The following WWOX variants were observed in gnomAD, a reference collection of about 807,000 sequenced individuals.
The protein encoded by WWOX is WW domain-containing oxidoreductase.
WWOX carries 69 observed loss-of-function variants against 46.2 expected under a neutral mutation model. That is an observed-to-expected ratio of 1.49 (90% CI 1.23 to 1.82). The LOEUF (loss-of-function observed/expected upper bound fraction) is 1.82, where lower values mean the gene tolerates loss of function less well. Among genes scored for constraint, WWOX ranks in the 40% most tolerant of loss-of-function variants. The pLI is 0.00. For synonymous variants in WWOX, 359 were observed against 202.6 expected, an observed-to-expected ratio of 1.77 and a Z score of -6.56; for missense variants, 919 against 542.6, an observed-to-expected ratio of 1.69 and a Z score of -6.89.
chr16:78,943,355 A>G (rs539002691), intron 8 of WWOX, among the ~76,000 whole-genome samples: 3 of 151,960 alleles, frequency 2.0e-5, no homozygotes, highest in African/African-American at 7.3e-5. Context: ...TCAAGATTAC[A>G]CTCTTATTCA....
intron 8 of WWOX, among the ~76,000 whole-genome samples, chr16:79,189,096 C>T (rs9931030): frequency 0.025 from 3,763 of 152,072 alleles, 170 homozygotes; most frequent in African/African-American, 0.086. Flanking sequence ...AAGACAAAAA[C>T]TTGTCTGCTA....
At chr16:79,059,137 G>A (rs540625118) in intron 8 of WWOX, among the ~76,000 whole-genome samples, 1 of 152,288 alleles carries the variant, frequency 6.6e-6, no homozygotes, top group East Asian at 1.9e-4. Context: ...TTCACAGGGA[G>A]TCATAAACAG....
intron 8 of WWOX, among the ~76,000 whole-genome samples, chr16:78,939,793 C>T (rs1269789033): frequency 2.0e-5 from 3 of 152,206 alleles, no homozygotes; most frequent in Non-Finnish European, 2.9e-5. Flanking sequence ...TCCACTTCCC[C>T]TTTTAGCCTG....
chr16:78,463,998 G>A (rs748363546), intron 8 of WWOX, among the ~76,000 whole-genome samples: 15 of 152,142 alleles, frequency 9.9e-5, no homozygotes, highest in Admixed American at 2.6e-4. Context: ...TTGTTGATCT[G>A]GCGGTCAGAA....
intron 8 of WWOX, among the ~76,000 whole-genome samples, chr16:78,719,872 C>A (rs1270171027): frequency 6.6e-6 from 1 of 152,086 alleles, no homozygotes; most frequent in African/African-American, 2.4e-5. Context: ...CATTTATTGG[C>A]AGTATTTTTC....
intron 8 of WWOX, among the ~76,000 whole-genome samples, chr16:78,975,935 C>G (rs984436146): frequency 3.3e-5 from 5 of 152,210 alleles, no homozygotes; most frequent in African/African-American, 1.2e-4. Flanking sequence ...TGCCCTGCCA[C>G]CCTCCATCCC....
intron 8 of WWOX, among the ~76,000 whole-genome samples, chr16:78,713,505 CAG>C (rs2048491755): frequency 6.6e-6 from 1 of 152,050 alleles, no homozygotes; most frequent in Admixed American, 6.5e-5. Context: ...TTTGGAGATA[CAG>C]CCTTTTAAAG....
chr16:79,083,327 C>G (rs1350695637), intron 8 of WWOX, among the ~76,000 whole-genome samples: 4 of 152,184 alleles, frequency 2.6e-5, no homozygotes, highest in East Asian at 1.9e-4. Context: ...TGACCCCTTC[C>G]TATGCCCCAG....
intron 8 of WWOX, among the ~76,000 whole-genome samples, chr16:78,479,972 A>G (rs1488318494): frequency 6.6e-6 from 1 of 152,160 alleles, no homozygotes; most frequent in African/African-American, 2.4e-5. Context: ...TGAGGATTCC[A>G]TGGCTTTACA....
intron 8 of WWOX, among the ~76,000 whole-genome samples, chr16:78,842,141 C>A (rs999069405): frequency 1.3e-5 from 2 of 151,952 alleles, no homozygotes; most frequent in African/African-American, 4.8e-5. Flanking sequence ...TTAAAGTAAT[C>A]CAGGAGGAGT....
At chr16:78,264,008 T>TTTTTTTTTTC (rs2079306761) in intron 5 of WWOX, among the ~76,000 whole-genome samples, 1 of 139,072 alleles carries the variant, frequency 7.2e-6, no homozygotes, top group Non-Finnish European at 1.5e-5. Flanking sequence ...TTTTTTTTTT[T>TTTTTTTTTTC]TTTTTTTGTT....
Position 79,028,655 on chromosome 16 carries a change from G to T in WWOX, c.1057-182953G>T, listed in dbSNP as rs975481538. On this transcript the variant is annotated intron_variant, in intron 8 of 8. Transcript: ENST00000566780. ...TGTTTTGGGGGGAAAAAACGCTTCA[G>T]TGCGTGTTTCTTTCGACATTACACA... Among the ~76,000 whole-genome samples, 4 of 151,492 alleles carry T rather than the reference G, an allele frequency of 2.6e-5. 1 individual carries two copies. The highest frequency in any genetic ancestry group is 9.8e-5 in the African/African-American group (4 of 40,922).
intron 5 of WWOX, among the ~76,000 whole-genome samples, chr16:78,366,313 T>C (rs1052610294): frequency 6.6e-6 from 1 of 152,252 alleles, no homozygotes; most frequent in Non-Finnish European, 1.5e-5. Context: ...GCAAAGTGTT[T>C]AGATATGCTC....
At chr16:78,805,217 A>C (rs553554002) in intron 8 of WWOX, among the ~76,000 whole-genome samples, 1 of 152,308 alleles carries the variant, frequency 6.6e-6, no homozygotes, top group East Asian at 1.9e-4. Flanking sequence ...TGATGAGTTC[A>C]CCACTGCCTC....
intron 8 of WWOX, among the ~76,000 whole-genome samples, chr16:79,075,800 A>T (rs188858894): frequency 3.9e-5 from 6 of 152,166 alleles, no homozygotes; most frequent in African/African-American, 1.4e-4. Flanking sequence ...GTTTACATAC[A>T]TGGTGTACAT....
At chr16:78,409,996 G>T (rs1175579424) in intron 6 of WWOX, among the ~76,000 whole-genome samples, 1 of 152,212 alleles carries the variant, frequency 6.6e-6, no homozygotes, top group Non-Finnish European at 1.5e-5. Flanking sequence ...ATAATCCCTA[G>T]TGTTGGCGGT....
At chr16:78,310,044 C>T (rs535313665) in intron 5 of WWOX, among the ~76,000 whole-genome samples, 31 of 151,054 alleles carry the variant, frequency 2.1e-4, no homozygotes, top group Middle Eastern at 3.4e-3. Context: ...ATTATCTTCC[C>T]TTCCTCCTCC....
intron 8 of WWOX, among the ~76,000 whole-genome samples, chr16:79,200,395 G>C (rs1394157895): frequency 6.6e-6 from 1 of 152,160 alleles, no homozygotes; most frequent in Non-Finnish European, 1.5e-5. Context: ...TATGGAGTTA[G>C]AACATTACAC....
chr16:78,897,293 C>A (rs2044726363), intron 8 of WWOX: 1 of 146,838 alleles, frequency 6.8e-6, no homozygotes, highest in African/African-American at 2.6e-5. Flanking sequence ...AAGAACATTC[C>A]CATCACGTCG....
Sources: allele counts gnomAD v4.1 joint callset (sites outside exome capture counted in the v4.1 genomes callset), GRCh38; gene constraint gnomAD v4.1.1; transcripts MANE v1.5; gene names NCBI Gene and HGNC (gene_info 2026-07-23, HGNC 2026-07-21).